ASIC2: variants seen among roughly 807,000 people sequenced by gnomAD.
ASIC2 encodes acid sensing ion channel subunit 2.
ASIC2 carries 25 observed loss-of-function variants against 57.3 expected under a neutral mutation model. The observed-to-expected ratio is 0.44, with a 90% CI of 0.32 to 0.61. The LOEUF (loss-of-function observed/expected upper bound fraction) is 0.61. ASIC2 is among the 20% of genes least tolerant of loss of function. The probability of loss-of-function intolerance (pLI) is 0.06; values close to 1 mark genes in which losing one functional copy is unlikely to be tolerated. For missense variants in ASIC2, 641 were observed against 738.1 expected (o/e 0.87, Z 1.52); for synonymous variants, 319 against 307.5 (o/e 1.04, Z -0.39).
At chr17:33,252,304 T>C (rs1369072051) in intron 1 of ASIC2, among the ~76,000 whole-genome samples, 2 of 152,200 alleles carry the variant, frequency 1.3e-5, no homozygotes, top group African/African-American at 4.8e-5. Context: ...TTTCATTTTT[T>C]AAGAGGTGAA....
intron 1 of ASIC2, among the ~76,000 whole-genome samples, chr17:34,124,198 C>G (rs547314236): frequency 6.6e-6 from 1 of 152,154 alleles, no homozygotes; most frequent in Non-Finnish European, 1.5e-5. Context: ...GATTATGTAA[C>G]AGAAAGAATA....
intron 1 of ASIC2, among the ~76,000 whole-genome samples, chr17:33,618,612 G>T (rs1905680414): frequency 6.6e-6 from 1 of 152,154 alleles, no homozygotes; most frequent in South Asian, 2.1e-4. Flanking sequence ...GTATCTGAAT[G>T]CTGCCACTTA....
chr17:33,570,633 T>C (rs1916403294), intron 1 of ASIC2, among the ~76,000 whole-genome samples: 1 of 152,242 alleles, frequency 6.6e-6, no homozygotes, highest in South Asian at 2.1e-4. Context: ...CTTCTTGCTG[T>C]GTAACCATTT....
chr17:34,077,889 G>T (rs1206915386), intron 1 of ASIC2, among the ~76,000 whole-genome samples: 1 of 152,082 alleles, frequency 6.6e-6, no homozygotes. Flanking sequence ...CCAGAACATG[G>T]CACTCAAAGA....
chr17:33,251,732 G>A (rs1341906914), intron 1 of ASIC2, among the ~76,000 whole-genome samples: 2 of 152,178 alleles, frequency 1.3e-5, no homozygotes, highest in Non-Finnish European at 2.9e-5. Flanking sequence ...GAGGCTCAGA[G>A]AGGTTAAAGT....
chr17:33,627,815 C>T lies in ASIC2; in HGVS notation c.556-515748G>A, dbSNP rs1906034673. Among the ~76,000 whole-genome samples, 3 of 152,192 alleles carry T rather than the reference C, an allele frequency of 2.0e-5. No homozygotes were observed. In the South Asian group the frequency reaches 6.2e-4, roughly 32 times the overall value. ...TTCAGCCTCAGCCGCTGAGCTGGCT[C>T]TAATGGCCCTCATTCACTGCATACC... On this transcript the variant is annotated intron_variant, in intron 1 of 9. Transcript: ENST00000359872.
intron 1 of ASIC2, among the ~76,000 whole-genome samples, chr17:34,033,877 C>T (rs189339834): frequency 2.0e-5 from 3 of 152,224 alleles, no homozygotes; most frequent in Admixed American, 2.0e-4. Flanking sequence ...CAATAGCTTA[C>T]CAACCAAAAA....
chr17:33,110,851 C>A (rs1343917641), intron 2 of ASIC2, among the ~76,000 whole-genome samples: 1 of 152,160 alleles, frequency 6.6e-6, no homozygotes, highest in African/African-American at 2.4e-5. Context: ...CCAGGGCCTC[C>A]CTCCTGCTGG....
At chr17:33,161,750 A>G (rs1164256241) in intron 1 of ASIC2, among the ~76,000 whole-genome samples, 1 of 151,646 alleles carries the variant, frequency 6.6e-6, no homozygotes, top group Non-Finnish European at 1.5e-5. Flanking sequence ...TTTTATGCAA[A>G]CCTCACTAGG....
intron 1 of ASIC2, among the ~76,000 whole-genome samples, chr17:33,609,135 T>C (rs1472173024): frequency 6.6e-6 from 1 of 152,136 alleles, no homozygotes; most frequent in Non-Finnish European, 1.5e-5. Context: ...TTAACCATCA[T>C]CTCCCACCTG....
intron 1 of ASIC2, among the ~76,000 whole-genome samples, chr17:33,890,273 T>C (rs1293123538): frequency 6.6e-6 from 1 of 152,224 alleles, no homozygotes; most frequent in African/African-American, 2.4e-5. Flanking sequence ...ATTTGGTCTG[T>C]CATGCATTAT....
intron 1 of ASIC2, among the ~76,000 whole-genome samples, chr17:33,481,677 G>A (rs767407501): frequency 1.5e-4 from 23 of 152,106 alleles, no homozygotes; most frequent in Non-Finnish European, 3.4e-4. Context: ...ATTTAAACCT[G>A]CTCAAGGTTT....
intron 1 of ASIC2, among the ~76,000 whole-genome samples, chr17:33,870,822 A>T (rs935344138): frequency 2.6e-5 from 4 of 152,208 alleles, no homozygotes; most frequent in Non-Finnish European, 4.4e-5. Flanking sequence ...ATTAATTAAT[A>T]TTGGGAAAAC....
At chr17:33,216,799 A>G (rs1304061181) in intron 1 of ASIC2, among the ~76,000 whole-genome samples, 1 of 152,184 alleles carries the variant, frequency 6.6e-6, no homozygotes, top group Non-Finnish European at 1.5e-5. Flanking sequence ...GACTTTAATG[A>G]GGATCACTCT....
intron 1 of ASIC2, among the ~76,000 whole-genome samples, chr17:33,678,267 A>G (rs1209342757): frequency 6.6e-6 from 1 of 152,222 alleles, no homozygotes; most frequent in African/African-American, 2.4e-5. Flanking sequence ...TTTTATATAC[A>G]CTGGGAAACC....
At chr17:33,476,934 C>T (rs12943905) in intron 1 of ASIC2, among the ~76,000 whole-genome samples, 3,350 of 152,008 alleles carry the variant, frequency 0.022, 60 homozygotes, top group Admixed American at 0.055. Flanking sequence ...GAGACCTCTA[C>T]GTTATTTTTG....
intron 1 of ASIC2, among the ~76,000 whole-genome samples, chr17:33,215,052 CA>C (rs1170486744): frequency 6.6e-6 from 1 of 152,192 alleles, no homozygotes; most frequent in African/African-American, 2.4e-5. Context: ...TCACAATTCA[CA>C]AATGAGGAAA....
At chr17:33,835,684 C>T (rs1034195005) in intron 1 of ASIC2, among the ~76,000 whole-genome samples, 6 of 152,210 alleles carry the variant, frequency 3.9e-5, no homozygotes, top group African/African-American at 1.4e-4. Context: ...CTATGCTCTC[C>T]TGACTTCTAT....
At chr17:34,059,302 A>T (rs138550997) in intron 1 of ASIC2, among the ~76,000 whole-genome samples, 23 of 152,344 alleles carry the variant, frequency 1.5e-4, no homozygotes, top group African/African-American at 5.5e-4. Context: ...GTAAAGTTAG[A>T]GAGCTGAGCA....
Sources: allele counts gnomAD v4.1 joint callset (sites outside exome capture counted in the v4.1 genomes callset), GRCh38; gene constraint gnomAD v4.1.1; transcripts MANE v1.5; gene names NCBI Gene and HGNC (gene_info 2026-07-23, HGNC 2026-07-21).